Variants in DMBT1 observed in about 807,000 individuals in gnomAD.
DMBT1 encodes scavenger receptor cysteine-rich domain-containing protein DMBT1.
In DMBT1, 198 loss-of-function variants were observed where a neutral mutation model predicts 252.9. The observed-to-expected ratio is 0.78, with a 90% CI of 0.70 to 0.88. The LOEUF is 0.88. Ranked by LOEUF, DMBT1 falls within the 40% of genes least tolerant of loss-of-function variation. The pLI, the probability that DMBT1 is intolerant of heterozygous loss-of-function variation, is 0.00. For missense variants in DMBT1, 2,432 were observed against 2,404.7 expected, an observed-to-expected ratio of 1.01 and a Z score of -0.24; for synonymous variants, 990 against 942.7, an observed-to-expected ratio of 1.05 and a Z score of -0.92.
chr10:122,585,557 C>A (rs1406997765), intron 15 of DMBT1, among the ~76,000 whole-genome samples: 2 of 148,214 alleles, frequency 1.3e-5, no homozygotes, highest in Admixed American at 6.7e-5. Flanking sequence ...CATCCAGGTG[C>A]CAAGGAAAAG....
rs75885170 is a variant in DMBT1, at chr10:122,619,144, T to C, written c.5216-164T>C. On this transcript the variant is annotated intron_variant, in intron 41 of 55. Coordinates refer to ENST00000338354, the MANE Select transcript of DMBT1 (RefSeq NM_001377530.1). ...GGCCAGGATCTGCCTGCACCCCTTA[T>C]ATGGTGCATCTCTGTGGGAATTTAC... Among the ~76,000 whole-genome samples the C allele has an allele frequency of 3.3e-5, 5 of 152,316 alleles. No homozygotes were observed. In the South Asian group the frequency reaches 1.0e-3, roughly 32 times the overall value.
At chr10:122,642,035 C>T (rs1163210798) in intron 55 of DMBT1, among the ~76,000 whole-genome samples, 1 of 152,078 alleles carries the variant, frequency 6.6e-6, no homozygotes, top group Non-Finnish European at 1.5e-5. Flanking sequence ...GCGTGGAGCC[C>T]TGAATGGCAG....
chr10:122,619,386 G>C lies in DMBT1; in HGVS notation c.5245+49G>C, dbSNP rs376355630. ...GGGATGTCCCTTCTCTTTCTGCCCA[G>C]TTACCTCTTCCCCACTCCACAGAGC... On this transcript the variant is annotated intron_variant, in intron 42 of 55. Coordinates refer to ENST00000338354, the MANE Select transcript of DMBT1 (RefSeq NM_001377530.1). 18 of 1,612,200 alleles carry C rather than the reference G, an allele frequency of 1.1e-5. No individual in the cohort carries two copies. In the African/African-American group the frequency reaches 2.4e-4, roughly 22 times the overall value.
chr10:122,636,921 C>T (rs558441151), intron 53 of DMBT1, among the ~76,000 whole-genome samples: 23 of 152,376 alleles, frequency 1.5e-4, no homozygotes, highest in African/African-American at 5.5e-4. Flanking sequence ...TCCACGTGCT[C>T]TCCTTGGGCT....
In DMBT1 at chr10:122,591,474, TAC is replaced by T; in HGVS notation, c.2138-3_2138-2del. ...TCTAGCCTTTGTCTTTGTTGCAATT[TAC>T]AGACACGTTGTCGACCATCACGTTA... is the stretch of plus-strand genomic sequence containing the variant. On this transcript the variant is annotated splice_region_variant and splice_polypyrimidine_tract_variant and intron_variant, in intron 18 of 55. Transcript: ENST00000338354. The T allele has an allele frequency of 6.3e-7, 1 of 1,587,026 alleles. No homozygotes were observed. Among genetic ancestry groups the T allele is most frequent in the Non-Finnish European group, 8.6e-7 (1 of 1,164,598 alleles).
At chr10:122,639,824 G>A (rs1844199883) in intron 54 of DMBT1, among the ~76,000 whole-genome samples, 1 of 152,192 alleles carries the variant, frequency 6.6e-6, no homozygotes, top group Admixed American at 6.5e-5. Context: ...CCTTCCTGTG[G>A]GTCTTCCCCA....
chr10:122,560,834 AT>A lies in DMBT1; in HGVS notation c.61+5del. On this transcript the variant is annotated splice_donor_region_variant and intron_variant, in intron 1 of 55. Coordinates refer to ENST00000338354, the MANE Select transcript of DMBT1 (RefSeq NM_001377530.1). ...ATGGGGACAAGTTCTATCTACAGGT[AT>A]TACGTTTAATTATTATATTCATTAA... 1 of 1,554,372 alleles carries A rather than the reference AT, an allele frequency of 6.4e-7. No homozygotes were observed. Among genetic ancestry groups the A allele is most frequent in the South Asian group, 1.2e-5 (1 of 84,308 alleles).
intron 47 of DMBT1, 56 bp downstream of exon 47, chr10:122,630,049 G>A (rs1348593262): frequency 6.2e-7 from 1 of 1,602,398 alleles, no homozygotes; most frequent in South Asian, 1.1e-5. Flanking sequence ...CACACCCACT[G>A]GTTTAGACTG....
At chr10:122,566,130 G>C in intron 2 of DMBT1, 134 bp downstream of exon 2, 1 of 922,320 alleles carries the variant, frequency 1.1e-6, no homozygotes, top group Non-Finnish European at 1.7e-6. Flanking sequence ...GAATGCCGGG[G>C]GGACAGGAGA....
intron 1 of DMBT1, among the ~76,000 whole-genome samples, chr10:122,565,264 A>G (rs1302717696): frequency 2.0e-5 from 3 of 152,230 alleles, no homozygotes; most frequent in Non-Finnish European, 4.4e-5. Context: ...GATTTATAAA[A>G]GGATCTAATG....
Position 122,590,051 on chromosome 10 carries a change from G to A in DMBT1, c.2108-614G>A, listed in dbSNP as rs139281521. Among the ~76,000 whole-genome samples, 8 of 148,580 alleles carry A rather than the reference G, an allele frequency of 5.4e-5. 1 individual carries two copies. The highest frequency in any genetic ancestry group is 1.1e-4 in the Non-Finnish European group (7 of 66,666). The stretch of plus-strand genomic sequence containing the variant: ...CACATATAGGTGTTGGGGGACGGAC[G>A]ATCTCACCGGGAGGAGTCCAGAACC... On this transcript the variant is annotated intron_variant, in intron 17 of 55. Coordinates refer to ENST00000338354, the MANE Select transcript of DMBT1 (RefSeq NM_001377530.1).
chr10:122,591,646 G>A, intron 19 of DMBT1, 129 bp downstream of exon 19: 2 of 1,081,540 alleles, frequency 1.8e-6, no homozygotes, highest in Non-Finnish European at 2.7e-6. Flanking sequence ...CTGAGTGGGA[G>A]GAAGTTGAGT....
chr10:122,585,569 C>T (rs887663294), intron 15 of DMBT1, among the ~76,000 whole-genome samples: 1 of 148,340 alleles, frequency 6.7e-6, no homozygotes, highest in Non-Finnish European at 1.5e-5. Context: ...AAGGAAAAGC[C>T]CTGGAAGCTT....
In DMBT1 at chr10:122,631,066, G is replaced by A; in HGVS notation, c.6131G>A (p.Trp2044Ter). ...TGGGGGACAGTTTGTGATGACTCCT[G>A]GACCATTCAGGAAGCTGAGGTGGTC... ...GTWGTVCDDS[W>*]TIQEAEVVCR... is the part of the protein sequence containing the mutation. The change falls in exon 49 of 56, where the codon TGG (tryptophan) becomes TAG (stop). Residue 2044 changes from tryptophan (W) to a stop codon, truncating the protein, a stop_gained. Coordinates refer to ENST00000338354, the MANE Select transcript of DMBT1 (RefSeq NM_001377530.1). LOFTEE classifies it high-confidence loss of function. The A allele has an allele frequency of 6.2e-7, 1 of 1,613,974 alleles. No homozygotes were observed. Among genetic ancestry groups the A allele is most frequent in the Non-Finnish European group, 8.5e-7 (1 of 1,179,898 alleles).
At chr10:122,562,081 TTCTC>T (rs149818776) in intron 1 of DMBT1, among the ~76,000 whole-genome samples, 2 of 149,308 alleles carry the variant, frequency 1.3e-5, no homozygotes, top group African/African-American at 2.5e-5. Flanking sequence ...TCCTCCCTAT[TTCTC>T]TCTCTCTCTC....
intron 16 of DMBT1, 132 bp downstream of exon 16, chr10:122,586,515 C>G (rs2097791021): frequency 7.2e-7 from 1 of 1,388,744 alleles, no homozygotes; most frequent in Non-Finnish European, 9.6e-7. Flanking sequence ...TAGCTCTCTC[C>G]TAGGAAACCG....
rs748672250 is a variant in DMBT1 at position 122,643,360 on chromosome 10, C to T, written c.7591C>T (p.Leu2531=). 1 of 1,613,946 alleles carries T rather than the reference C, an allele frequency of 6.2e-7. No homozygotes were observed. The highest frequency in any genetic ancestry group is 1.3e-5 in the African/African-American group (1 of 75,046). Residue 2531 remains leucine (L), a synonymous_variant, in exon 56 of 56, where the codon CTG becomes TTG. Coordinates refer to ENST00000338354, the MANE Select transcript of DMBT1 (RefSeq NM_001377530.1). Reference sequence around the variant, plus strand: ...GGACGTCGTCCTGGGTCCCATCCAGCTGCAGACCCCCCCACGCCGAGAAGA... The same window carrying T: ...GGACGTCGTCCTGGGTCCCATCCAGTTGCAGACCCCCCCACGCCGAGAAGA... ...KVDVVLGPIQ[L]QTPPRREEEP...
At chr10:122,565,916 A>G (rs563056628) in intron 1 of DMBT1, 51 bp from the exon 2 acceptor site, 3 of 1,594,900 alleles carry the variant, frequency 1.9e-6, no homozygotes, top group Admixed American at 3.4e-5. Flanking sequence ...TGTGACTTGT[A>G]GGAAATCATT....
chr10:122,623,931 T>C (rs61872011), intron 44 of DMBT1, among the ~76,000 whole-genome samples: 9,144 of 152,306 alleles, frequency 0.06, 392 homozygotes, highest in Non-Finnish European at 0.095. Flanking sequence ...CAACTAAGTG[T>C]CCTCATAGTT....
Sources: allele counts gnomAD v4.1 joint callset (sites outside exome capture counted in the v4.1 genomes callset), GRCh38; gene constraint gnomAD v4.1.1; transcripts MANE v1.5; gene names NCBI Gene and HGNC (gene_info 2026-07-23, HGNC 2026-07-21).